LAMA2: variants seen among roughly 807,000 people sequenced by gnomAD.
LAMA2 encodes laminin subunit alpha 2.
In LAMA2, 269 loss-of-function variants were observed where a neutral mutation model predicts 364.8. That is an observed-to-expected ratio of 0.74 (90% CI 0.67 to 0.82). The LOEUF is 0.82. Among genes scored for constraint, LAMA2 ranks in the 40% least tolerant of loss-of-function variants. The probability of loss-of-function intolerance (pLI) is 0.00; values close to 1 mark genes in which losing one functional copy is unlikely to be tolerated. For missense variants in LAMA2, 3,807 were observed against 3,873.2 expected, an observed-to-expected ratio of 0.98 and a Z score of 0.45; for synonymous variants, 1,379 against 1,370.6, an observed-to-expected ratio of 1.01 and a Z score of -0.14.
chr6:129,402,265 A>AGTAAAAG, intron 38 of LAMA2, 59 bp from the exon 39 acceptor site: 3 of 1,290,816 alleles, frequency 2.3e-6, no homozygotes, highest in Non-Finnish European at 2.2e-6. Context: ...TAGAGAAATT[A>AGTAAAAG]GTAAAAGAGA....
chr6:129,212,155 A>C (rs1484085934), intron 12 of LAMA2, among the ~76,000 whole-genome samples: 1 of 152,186 alleles, frequency 6.6e-6, no homozygotes, highest in Non-Finnish European at 1.5e-5. Context: ...CAAGGGGAGG[A>C]CCGAAATAGT....
intron 13 of LAMA2, 45 bp downstream of exon 13, chr6:129,250,258 AC>A (rs1346073598): frequency 1.7e-6 from 2 of 1,161,546 alleles, no homozygotes; most frequent in East Asian, 4.7e-5. Context: ...TCCTGATGTT[AC>A]TTAAGGTTAC....
chr6:129,219,998 A>G (rs1229216680), intron 12 of LAMA2, among the ~76,000 whole-genome samples: 1 of 151,978 alleles, frequency 6.6e-6, no homozygotes, highest in Non-Finnish European at 1.5e-5. Flanking sequence ...AAATAAAATA[A>G]GACCATTAAA....
intron 1 of LAMA2, among the ~76,000 whole-genome samples, chr6:128,922,905 C>A (rs1305387125): frequency 6.6e-6 from 1 of 151,738 alleles, no homozygotes; most frequent in East Asian, 1.9e-4. Flanking sequence ...AGGAAGGGAT[C>A]CAGTTTCAGC....
chr6:129,454,167 G>T lies in LAMA2; in HGVS notation c.6586G>T (p.Ala2196Ser). ...TTCTCTGAACTAGATTGACTTTCTG[G>T]CTATAGAAATGCGTAAAGGCAAAGT... The part of the protein sequence containing the change: ...LGSAKFIDFL[A>S]IEMRKGKVSF... The change falls in exon 47 of 65, where the codon GCT (alanine) becomes TCT (serine). Residue 2196 changes from alanine (A) to serine (S), a missense_variant. Ala to Ser is a moderately conservative substitution (Grantham distance 99, BLOSUM62 1). This residue lies in a region of LAMA2 where 3,333 missense variants were observed against 3,345.7 expected (regional missense o/e 1.00). Coordinates refer to ENST00000421865, the MANE Select transcript of LAMA2 (RefSeq NM_000426.4). The T allele has an allele frequency of 6.2e-7, 1 of 1,612,372 alleles. No individual in the cohort carries two copies. The highest frequency in any genetic ancestry group is 8.5e-7 in the Non-Finnish European group (1 of 1,178,780).
rs190646070 is a variant in LAMA2, at chr6:129,456,521, A to G, written c.6867+27A>G. On this transcript the variant is annotated intron_variant, in intron 48 of 64. Transcript: ENST00000421865. ...TAATGTGTTCATCCTCCTCCTGTTT[A>G]TTTCATCTTTGTTGACATCTCCTGA... 108 of 1,601,634 alleles carry G rather than the reference A, an allele frequency of 6.7e-5. 1 individual carries two copies. The African/African-American group carries it at 1.4e-3, about 20-fold the overall frequency.
intron 40 of LAMA2, among the ~76,000 whole-genome samples, chr6:129,422,941 C>G (rs949671823): frequency 1.4e-4 from 21 of 151,868 alleles, no homozygotes; most frequent in African/African-American, 5.1e-4. Context: ...AAGTTCATGG[C>G]AAAGTTATAA....
At chr6:129,050,914 T>G (rs528175678) in intron 2 of LAMA2, among the ~76,000 whole-genome samples, 5 of 152,298 alleles carry the variant, frequency 3.3e-5, no homozygotes, top group Admixed American at 3.3e-4. Flanking sequence ...ATGTATTTAT[T>G]CAACAGGCCT....
At chr6:129,420,206 AC>A (rs1295133405) in intron 40 of LAMA2, among the ~76,000 whole-genome samples, 1 of 152,134 alleles carries the variant, frequency 6.6e-6, no homozygotes, top group African/African-American at 2.4e-5. Flanking sequence ...AACATCACAT[AC>A]GTATTTTAAA....
chr6:129,196,975 A>T (rs1167140668), intron 12 of LAMA2, among the ~76,000 whole-genome samples: 1 of 152,128 alleles, frequency 6.6e-6, no homozygotes, highest in African/African-American at 2.4e-5. Flanking sequence ...ACGATTACAC[A>T]TTCCTCATTA....
intron 1 of LAMA2, among the ~76,000 whole-genome samples, chr6:128,933,391 T>C (rs905631916): frequency 6.6e-6 from 1 of 152,188 alleles, no homozygotes; most frequent in Non-Finnish European, 1.5e-5. Flanking sequence ...GATGCAGATA[T>C]CTCCTTGAGA....
chr6:129,450,524 T>C (rs1373251230), intron 45 of LAMA2, among the ~76,000 whole-genome samples: 1 of 152,068 alleles, frequency 6.6e-6, no homozygotes, highest in Non-Finnish European at 1.5e-5. Context: ...GGTTTCACCA[T>C]GTTGGCCAGG....
intron 12 of LAMA2, among the ~76,000 whole-genome samples, chr6:129,234,317 A>G (rs1219314104): frequency 6.6e-6 from 1 of 152,196 alleles, no homozygotes; most frequent in Non-Finnish European, 1.5e-5. Flanking sequence ...CCACACATAG[A>G]TGAAAATCCA....
At chr6:129,274,945 T>C (rs1216888212) in intron 17 of LAMA2, among the ~76,000 whole-genome samples, 1 of 152,022 alleles carries the variant, frequency 6.6e-6, no homozygotes, top group Non-Finnish European at 1.5e-5. Flanking sequence ...TAGATTTTCA[T>C]CAGTTATATA....
In LAMA2 at chr6:129,464,601, T is replaced by C. The variant is rs139093764; in HGVS notation, c.7155+149T>C. 1.1e-4 allele frequency: 79 copies of C among 743,588 alleles called. No individual in the cohort carries two copies. The East Asian group carries it at 1.8e-3, about 17-fold the overall frequency. The allele number at this position is 743,588 out of a possible 1,614,324, so 46.1% of individuals were successfully genotyped here. A position where few individuals can be genotyped will look rare whatever the true frequency, so the allele number is the denominator to read the frequency against. On this transcript the variant is annotated intron_variant, in intron 50 of 64. Transcript: ENST00000421865. ...TTGTCTGGCAGCCAAGAATGGGTGA[T>C]ACAGATAGTGCTTATATATTTTCAA...
intron 4 of LAMA2, among the ~76,000 whole-genome samples, chr6:129,126,148 A>G (rs1777104111): frequency 6.6e-6 from 1 of 152,200 alleles, no homozygotes; most frequent in Non-Finnish European, 1.5e-5. Flanking sequence ...AAACAAACAT[A>G]TCTTTACACA....
intron 12 of LAMA2, among the ~76,000 whole-genome samples, chr6:129,236,759 ATATATT>A (rs1785022866): frequency 6.6e-6 from 1 of 152,224 alleles, no homozygotes; most frequent in African/African-American, 2.4e-5. Flanking sequence ...ATAAGTATAT[ATATATT>A]TATTTTTCCT....
In LAMA2 at chr6:129,486,730, T is replaced by C. The variant is rs936855558; in HGVS notation, c.7898+108T>C. The stretch of plus-strand genomic sequence containing the variant: ...AACCTCTGTGTGTGTGGACCTACTA[T>C]GCATTGCAAAAGGATACCGTAGCTT... On this transcript the variant is annotated intron_variant, in intron 56 of 64. Transcript: ENST00000421865. The C allele has an allele frequency of 3.5e-5, 35 of 998,586 alleles. No individual in the cohort carries two copies. The South Asian group carries it at 4.6e-4, about 13-fold the overall frequency. 61.9% of individuals were successfully genotyped at this position (998,586 alleles called of 1,614,324 possible). A position where few individuals can be genotyped will look rare whatever the true frequency, so the allele number is the denominator to read the frequency against.
intron 4 of LAMA2, among the ~76,000 whole-genome samples, chr6:129,106,477 A>C (rs958408564): frequency 6.6e-6 from 1 of 152,200 alleles, no homozygotes; most frequent in Non-Finnish European, 1.5e-5. Flanking sequence ...AGGGAGAAAC[A>C]GCGGAGTATT....
Sources: gnomAD v4.1 joint callset for allele counts (sites outside exome capture counted in the v4.1 genomes callset) on GRCh38, gnomAD v4.1.1 for gene constraint, gnomAD v4.1.1 regional missense constraint, MANE v1.5 for transcripts, NCBI Gene and HGNC (gene_info 2026-07-23, HGNC 2026-07-21) for gene names.